Variants in DLG2 observed in about 807,000 individuals in gnomAD.
The protein encoded by DLG2 is disks large homolog 2.
Under a neutral mutation model 132.5 loss-of-function variants are expected in DLG2, and 45 were observed. The observed-to-expected ratio is 0.34, with a 90% CI of 0.27 to 0.44. The LOEUF (loss-of-function observed/expected upper bound fraction) is 0.44, where lower values mean the gene tolerates loss of function less well. Among genes scored for constraint, DLG2 ranks in the 20% least tolerant of loss-of-function variants. The pLI is 1.00. For missense variants in DLG2, 1,045 were observed against 1,196.9 expected, an observed-to-expected ratio of 0.87 and a Z score of 1.87; for synonymous variants, 424 against 419.6, an observed-to-expected ratio of 1.01 and a Z score of -0.13.
intron 12 of DLG2, among the ~76,000 whole-genome samples, chr11:83,974,375 C>T (rs2091883488): frequency 6.6e-6 from 1 of 152,008 alleles, no homozygotes; most frequent in African/African-American, 2.4e-5. Flanking sequence ...CATGGCTTTA[C>T]TCTAGGATAT....
At chr11:85,414,424 T>C (rs1193906292) in intron 3 of DLG2, among the ~76,000 whole-genome samples, 1 of 151,972 alleles carries the variant, frequency 6.6e-6, no homozygotes, top group Non-Finnish European at 1.5e-5. Context: ...GGCTAGGGCT[T>C]GCAGTACTGA....
intron 6 of DLG2, among the ~76,000 whole-genome samples, chr11:84,815,187 A>G (rs1233056523): frequency 6.6e-6 from 1 of 152,128 alleles, no homozygotes; most frequent in Non-Finnish European, 1.5e-5. Context: ...GGAATAAACT[A>G]AGAAAGAGGC....
chr11:83,464,499 A>T (rs944504234), intron 26 of DLG2, among the ~76,000 whole-genome samples: 3 of 152,236 alleles, frequency 2.0e-5, no homozygotes, highest in African/African-American at 7.2e-5. Context: ...TAGTAGGTAG[A>T]TTGCATTGGT....
intron 17 of DLG2, among the ~76,000 whole-genome samples, chr11:83,833,030 C>T (rs530450828): frequency 1.6e-4 from 24 of 152,292 alleles, no homozygotes; most frequent in South Asian, 4.1e-4. Context: ...TGCTTCTCAA[C>T]GTTCTGTTGG....
At chr11:85,069,845 C>T (rs571420359) in intron 6 of DLG2, among the ~76,000 whole-genome samples, 23 of 152,226 alleles carry the variant, frequency 1.5e-4, no homozygotes, top group South Asian at 2.1e-4. Flanking sequence ...TATAAAGACA[C>T]GTGCACACGT....
intron 14 of DLG2, among the ~76,000 whole-genome samples, chr11:83,940,050 A>T (rs11233820): frequency 0.065 from 9,853 of 152,254 alleles, 400 homozygotes; most frequent in East Asian, 0.15. Context: ...TGTGCCTGTT[A>T]CTGTAAACAG....
At chr11:84,314,743 A>G (rs1055300892) in intron 7 of DLG2, among the ~76,000 whole-genome samples, 1 of 151,822 alleles carries the variant, frequency 6.6e-6, no homozygotes, top group Non-Finnish European at 1.5e-5. Flanking sequence ...TACATAAAAT[A>G]TGTTAATATA....
At chr11:84,356,319 G>A (rs972647028) in intron 7 of DLG2, among the ~76,000 whole-genome samples, 1 of 152,078 alleles carries the variant, frequency 6.6e-6, no homozygotes, top group African/African-American at 2.4e-5. Flanking sequence ...CCATATGTGA[G>A]GCATTGTTCT....
At chr11:84,445,071 C>T (rs1456489674) in intron 7 of DLG2, among the ~76,000 whole-genome samples, 1 of 152,128 alleles carries the variant, frequency 6.6e-6, no homozygotes, top group Non-Finnish European at 1.5e-5. Flanking sequence ...CTCGGCTTCC[C>T]AAAGTACTGG....
chr11:83,934,045 C>G (rs892245211), intron 14 of DLG2, among the ~76,000 whole-genome samples: 6 of 152,230 alleles, frequency 3.9e-5, no homozygotes, highest in Non-Finnish European at 8.8e-5. Context: ...TCTAGAATAA[C>G]TGTCTGGGTT....
At chr11:84,828,721 G>A (rs2078651180) in intron 6 of DLG2, among the ~76,000 whole-genome samples, 1 of 151,706 alleles carries the variant, frequency 6.6e-6, no homozygotes, top group Admixed American at 6.6e-5. Flanking sequence ...CCATCAGCTT[G>A]GTTTGAATTG....
chr11:84,936,166 T>C (rs933350092), intron 6 of DLG2, among the ~76,000 whole-genome samples: 2 of 152,214 alleles, frequency 1.3e-5, no homozygotes. Context: ...CGATACTGTA[T>C]AAGTGATCCT....
rs190225212 is a variant in DLG2 at position 84,232,311 on chromosome 11, C to T, written c.573+18927G>A. Among the ~76,000 whole-genome samples, 171 of 152,158 alleles carry T rather than the reference C, an allele frequency of 1.1e-3. 1 individual carries two copies. Among genetic ancestry groups the T allele is most frequent in the African/African-American group, 3.9e-3 (161 of 41,508 alleles). Reference sequence around the variant, plus strand: ...TTACCTACTTTGACAAGAATGAAAGCTCATAATTTCCACAAGAGTGGAAAT... The same window carrying T: ...TTACCTACTTTGACAAGAATGAAAGTTCATAATTTCCACAAGAGTGGAAAT... On this transcript the variant is annotated intron_variant, in intron 8 of 27. Coordinates refer to ENST00000376104, the MANE Select transcript of DLG2 (RefSeq NM_001142699.3).
intron 6 of DLG2, among the ~76,000 whole-genome samples, chr11:84,920,510 G>A (rs1184106610): frequency 6.6e-6 from 1 of 152,048 alleles, no homozygotes; most frequent in Non-Finnish European, 1.5e-5. Flanking sequence ...GTCCATTATG[G>A]GTCAGAAATA....
intron 3 of DLG2, chr11:85,452,904 G>A: frequency 4.8e-6 from 1 of 208,606 alleles, no homozygotes. Context: ...TTTCTTGAAG[G>A]CAAAGAGAAG....
At chr11:83,605,334 A>G (rs1179334853) in intron 19 of DLG2, among the ~76,000 whole-genome samples, 2 of 152,200 alleles carry the variant, frequency 1.3e-5, no homozygotes, top group African/African-American at 2.4e-5. Flanking sequence ...TAACAGGGGA[A>G]ATGAGCTTTT....
intron 19 of DLG2, among the ~76,000 whole-genome samples, chr11:83,546,378 G>T (rs1044260937): frequency 4.6e-5 from 7 of 152,090 alleles, no homozygotes; most frequent in African/African-American, 1.4e-4. Context: ...TGTATAATTT[G>T]GGCATGTTAC....
At chr11:84,921,968 G>A (rs982709838) in intron 6 of DLG2, among the ~76,000 whole-genome samples, 1 of 151,956 alleles carries the variant, frequency 6.6e-6, no homozygotes, top group African/African-American at 2.4e-5. Context: ...GAATGCTTCC[G>A]GGTTGTAGTT....
chr11:83,939,379 C>A (rs561051493), intron 14 of DLG2, among the ~76,000 whole-genome samples: 22 of 152,136 alleles, frequency 1.4e-4, no homozygotes, highest in Admixed American at 5.2e-4. Flanking sequence ...GTATACTCCC[C>A]ACATCTTCAT....
Sources: gnomAD v4.1 joint callset for allele counts (sites outside exome capture counted in the v4.1 genomes callset) on GRCh38, gnomAD v4.1.1 for gene constraint, MANE v1.5 for transcripts, NCBI Gene and HGNC (gene_info 2026-07-23, HGNC 2026-07-21) for gene names.